The following OTUD7A variants were observed in gnomAD, a reference collection of about 807,000 sequenced individuals.
The protein encoded by OTUD7A is OTU deubiquitinase 7A.
A neutral mutation model predicts 65.7 loss-of-function variants in OTUD7A; 12 were observed. The observed-to-expected ratio is 0.18, with a 90% CI of 0.12 to 0.30. OTUD7A has a LOEUF of 0.30. OTUD7A is among the 10% of genes least tolerant of loss of function. The pLI, the probability that OTUD7A is intolerant of heterozygous loss-of-function variation, is 1.00. For synonymous variants in OTUD7A, 641 were observed against 586.3 expected, an observed-to-expected ratio of 1.09 and a Z score of -1.35; for missense variants, 1,148 against 1,304.8, an observed-to-expected ratio of 0.88 and a Z score of 1.85.
chr15:31,487,602 CGGCAGTCCCCA>C lies in OTUD7A; in HGVS notation c.1172-47_1172-37del. The C allele has an allele frequency of 3.2e-6, 5 of 1,566,148 alleles. No individual in the cohort carries two copies. Among genetic ancestry groups the C allele is most frequent in the Non-Finnish European group, 4.3e-6 (5 of 1,149,700 alleles). ...AGAGACAGAGCCGTGCTTGGAGCCC[CGGCAGTCCCCA>C]GGCAGGATGGCAAGGAAATTCCCAA... On this transcript the variant is annotated intron_variant, in intron 10 of 12. Coordinates refer to ENST00000307050, the MANE Select transcript of OTUD7A (RefSeq NM_001382637.1). The surrounding 1 kb of genome is among the most constrained non-coding windows in gnomAD (Gnocchi z 6.0).
chr15:31,800,419 C>T (rs931763584), intron 1 of OTUD7A, among the ~76,000 whole-genome samples: 2 of 152,204 alleles, frequency 1.3e-5, no homozygotes, highest in Non-Finnish European at 2.9e-5. Flanking sequence ...CCCCCATGCA[C>T]TCTGCCAGCA....
chr15:31,817,339 G>A lies in OTUD7A; in HGVS notation c.-100+53168C>T, dbSNP rs1227268594. On this transcript the variant is annotated intron_variant, in intron 1 of 12. Transcript: ENST00000307050. ...CTGAAAGTCTAGAGAAGCATCCTGT[G>A]GTCAGGACTGATTAAAAATAACTCC... Among the ~76,000 whole-genome samples, 3 of 149,000 alleles carry A rather than the reference G, an allele frequency of 2.0e-5. No homozygotes were observed. In the East Asian group the frequency reaches 6.0e-4, roughly 30 times the overall value.
intron 8 of OTUD7A, among the ~76,000 whole-genome samples, chr15:31,508,420 G>A (rs1191658176): frequency 6.6e-6 from 1 of 152,122 alleles, no homozygotes; most frequent in Non-Finnish European, 1.5e-5. Flanking sequence ...GCCGATCTCC[G>A]CTCACTGCAA....
At chr15:31,853,678 G>A (rs1273289468) in intron 1 of OTUD7A, among the ~76,000 whole-genome samples, 2 of 152,072 alleles carry the variant, frequency 1.3e-5, no homozygotes, top group African/African-American at 4.8e-5. Context: ...AACACAAGAG[G>A]TCTGCTATGA....
intron 1 of OTUD7A, among the ~76,000 whole-genome samples, chr15:31,671,943 C>T (rs930225124): frequency 1.3e-5 from 2 of 152,058 alleles, no homozygotes; most frequent in African/African-American, 2.4e-5. Flanking sequence ...AAGTAGGTCC[C>T]GGAGTCTGTT....
intron 1 of OTUD7A, among the ~76,000 whole-genome samples, chr15:31,795,285 A>T (rs897708411): frequency 6.6e-6 from 1 of 152,180 alleles, no homozygotes; most frequent in Non-Finnish European, 1.5e-5. Flanking sequence ...TGAGGCTTTC[A>T]TCTACTAGGC....
chr15:31,693,416 G>T (rs1459987448), intron 1 of OTUD7A, among the ~76,000 whole-genome samples: 2 of 152,066 alleles, frequency 1.3e-5, no homozygotes, highest in Admixed American at 6.5e-5. Context: ...AAAAGGGAGG[G>T]GGGTAAGGCT....
At chr15:31,659,001 C>T (rs1892073965) in intron 1 of OTUD7A, among the ~76,000 whole-genome samples, 1 of 150,320 alleles carries the variant, frequency 6.7e-6, no homozygotes. Context: ...CATTGCACTC[C>T]AGCCTGGGCA....
At chr15:31,682,514 G>A (rs539353026) in intron 1 of OTUD7A, among the ~76,000 whole-genome samples, 2 of 152,344 alleles carry the variant, frequency 1.3e-5, no homozygotes, top group African/African-American at 4.8e-5. Flanking sequence ...AGACAGTATA[G>A]TATTGGGATA....
intron 8 of OTUD7A, 32 bp from the exon 9 acceptor site, chr15:31,503,850 G>A (rs755969484): frequency 1.9e-6 from 3 of 1,613,186 alleles, no homozygotes; most frequent in Non-Finnish European, 2.5e-6. Flanking sequence ...GCTGGTCACT[G>A]ACTAAAACAG....
intron 3 of OTUD7A, among the ~76,000 whole-genome samples, chr15:31,624,330 C>G (rs1257667063): frequency 1.3e-5 from 2 of 152,172 alleles, no homozygotes; most frequent in Non-Finnish European, 2.9e-5. Context: ...GCAAGGTAAG[C>G]ATTAATATTT....
intron 1 of OTUD7A, among the ~76,000 whole-genome samples, chr15:31,720,193 C>T (rs550951399): frequency 6.0e-5 from 9 of 149,870 alleles, no homozygotes; most frequent in South Asian, 4.4e-4. Flanking sequence ...ACAGGGAGCC[C>T]GGTGAATTGG....
At chr15:31,717,583 T>C (rs967034409) in intron 1 of OTUD7A, among the ~76,000 whole-genome samples, 2 of 152,246 alleles carry the variant, frequency 1.3e-5, no homozygotes, top group African/African-American at 4.8e-5. Context: ...TCCTTTTTCA[T>C]GGCTGCATAG....
intron 1 of OTUD7A, among the ~76,000 whole-genome samples, chr15:31,793,798 T>C (rs1895880994): frequency 6.6e-6 from 1 of 152,228 alleles, no homozygotes; most frequent in Non-Finnish European, 1.5e-5. Flanking sequence ...AAATGCCTGA[T>C]TATACACTTT....
chr15:31,638,843 A>C (rs1891423333), intron 3 of OTUD7A, among the ~76,000 whole-genome samples: 1 of 152,150 alleles, frequency 6.6e-6, no homozygotes, highest in Non-Finnish European at 1.5e-5. Flanking sequence ...CACTCTCAAA[A>C]GATTCCTCAG....
At chr15:31,492,932 G>A (rs562678674) in intron 10 of OTUD7A, among the ~76,000 whole-genome samples, 1 of 152,240 alleles carries the variant, frequency 6.6e-6, no homozygotes, top group African/African-American at 2.4e-5. Context: ...TCATTGTAAG[G>A]GCCAGGCACT....
chr15:31,626,063 A>C (rs1890940810), intron 3 of OTUD7A, among the ~76,000 whole-genome samples: 1 of 152,174 alleles, frequency 6.6e-6, no homozygotes, highest in Non-Finnish European at 1.5e-5. Context: ...AGAAGTGAGG[A>C]AACTTTTTGA....
At chr15:31,860,279 A>G (rs1057407457) in intron 1 of OTUD7A, among the ~76,000 whole-genome samples, 1 of 152,204 alleles carries the variant, frequency 6.6e-6, no homozygotes, top group Non-Finnish European at 1.5e-5. Context: ...AGTAAACACA[A>G]TTTTGCATGC....
At chr15:31,845,022 T>C (rs1897265945) in intron 1 of OTUD7A, among the ~76,000 whole-genome samples, 1 of 152,228 alleles carries the variant, frequency 6.6e-6, no homozygotes, top group African/African-American at 2.4e-5. Flanking sequence ...GCCTCCTGTA[T>C]GAGCTCTTCT....
Sources: allele counts gnomAD v4.1 joint callset (sites outside exome capture counted in the v4.1 genomes callset), GRCh38; gene constraint gnomAD v4.1.1; non-coding constraint Gnocchi (gnomAD v3.1); transcripts MANE v1.5; gene names NCBI Gene and HGNC (gene_info 2026-07-23, HGNC 2026-07-21).